The following NRG3 variants were observed in gnomAD, a reference collection of about 807,000 sequenced individuals.
The protein encoded by NRG3 is neuregulin 3.
Under a neutral mutation model 66.9 loss-of-function variants are expected in NRG3, and 31 were observed. The observed-to-expected ratio is 0.46, with a 90% CI of 0.35 to 0.63. NRG3 has a LOEUF of 0.63. NRG3 is among the 20% of genes least tolerant of loss of function. The pLI is 0.00. For synonymous variants in NRG3, 393 were observed against 359.4 expected (o/e 1.09, Z -1.06); for missense variants, 910 against 878.9 (o/e 1.04, Z -0.45).
chr10:82,378,872 C>T (rs936123431), intron 2 of NRG3, among the ~76,000 whole-genome samples: 2 of 151,982 alleles, frequency 1.3e-5, no homozygotes, highest in Non-Finnish European at 2.9e-5. Context: ...CGCCTGGCTG[C>T]TGATGGAATT....
At chr10:82,585,090 G>A (rs1257318151) in intron 2 of NRG3, among the ~76,000 whole-genome samples, 1 of 152,020 alleles carries the variant, frequency 6.6e-6, no homozygotes, top group Non-Finnish European at 1.5e-5. Context: ...AAATAAATGA[G>A]TTTATGAGAG....
intron 2 of NRG3, among the ~76,000 whole-genome samples, chr10:82,642,139 C>G (rs2050624343): frequency 6.6e-6 from 1 of 152,130 alleles, no homozygotes; most frequent in Non-Finnish European, 1.5e-5. Flanking sequence ...AAGATAATGG[C>G]CTACAGTTCC....
At chr10:82,435,765 G>A (rs967130179) in intron 2 of NRG3, among the ~76,000 whole-genome samples, 15 of 138,974 alleles carry the variant, frequency 1.1e-4, no homozygotes, top group Admixed American at 2.8e-4. Flanking sequence ...TTTTGAGTGA[G>A]TTTCTTTTCT....
chr10:81,880,633 G>A (rs1461834056), intron 1 of NRG3, among the ~76,000 whole-genome samples: 1 of 152,112 alleles, frequency 6.6e-6, no homozygotes, highest in Non-Finnish European at 1.5e-5. Context: ...TGCTTTTGTA[G>A]AAATTCTTTC....
At position 82,061,320 on chromosome 10, in the gene NRG3, C is replaced by T. The variant is rs1329507994; in HGVS notation, c.823+185157C>T. ...GAGCCAAGACTGCGCCACTGCTCTCCAGCCTGGGCAACAGAGCAAGATTTT... is the reference window on the plus strand; with the variant it reads ...GAGCCAAGACTGCGCCACTGCTCTCTAGCCTGGGCAACAGAGCAAGATTTT... On this transcript the variant is annotated intron_variant, in intron 1 of 8. Coordinates refer to ENST00000372141, the MANE Select transcript of NRG3 (RefSeq NM_001010848.4). 2.0e-5 allele frequency among the ~76,000 whole-genome samples: 3 copies of T among 152,212 alleles called. No individual in the cohort carries two copies. In the South Asian group the frequency reaches 6.2e-4, roughly 31 times the overall value.
intron 4 of NRG3, among the ~76,000 whole-genome samples, chr10:82,895,517 G>A (rs572293506): frequency 1.5e-5 from 2 of 129,372 alleles, no homozygotes; most frequent in African/African-American, 3.0e-5. Context: ...ACAGAGTCTC[G>A]TCTCGCTCTG....
intron 1 of NRG3, among the ~76,000 whole-genome samples, chr10:82,215,808 A>G (rs1044183164): frequency 7.2e-6 from 1 of 139,832 alleles, no homozygotes; most frequent in African/African-American, 2.8e-5. Context: ...TTGTACTTTT[A>G]TGCAATTTGA....
chr10:82,275,898 A>G (rs376420595), intron 1 of NRG3, among the ~76,000 whole-genome samples: 6 of 152,146 alleles, frequency 3.9e-5, no homozygotes, highest in African/African-American at 1.4e-4. Flanking sequence ...ATTATGAATC[A>G]TGTATGTCCT....
intron 1 of NRG3, among the ~76,000 whole-genome samples, chr10:82,083,500 T>C (rs886611374): frequency 5.9e-5 from 9 of 152,174 alleles, no homozygotes; most frequent in Admixed American, 3.9e-4. Flanking sequence ...TTTGTCTAGG[T>C]ACTGGGTAGA....
chr10:82,429,613 A>T (rs971079268), intron 2 of NRG3, among the ~76,000 whole-genome samples: 3 of 152,118 alleles, frequency 2.0e-5, no homozygotes, highest in Admixed American at 2.0e-4. Context: ...CTTTGAATTT[A>T]TCCAAATCAG....
intron 1 of NRG3, among the ~76,000 whole-genome samples, chr10:82,345,670 A>C (rs915102297): frequency 2.0e-5 from 3 of 151,470 alleles, no homozygotes; most frequent in African/African-American, 7.3e-5. Context: ...GGCCATTTTC[A>C]CGATATTGAT....
At chr10:82,050,915 T>A (rs1463661439) in intron 1 of NRG3, among the ~76,000 whole-genome samples, 1 of 150,070 alleles carries the variant, frequency 6.7e-6, no homozygotes, top group African/African-American at 2.4e-5. Flanking sequence ...AGCATTTCTA[T>A]CCTGCTGTGT....
chr10:81,933,131 G>T (rs796277590), intron 1 of NRG3, among the ~76,000 whole-genome samples: 2 of 145,266 alleles, frequency 1.4e-5, no homozygotes, highest in Admixed American at 1.4e-4. Flanking sequence ...AAAAAGAAAA[G>T]AAAAAAAGAA....
At chr10:82,663,694 T>TGA (rs2052544436) in intron 2 of NRG3, among the ~76,000 whole-genome samples, 1 of 152,182 alleles carries the variant, frequency 6.6e-6, no homozygotes, top group South Asian at 2.1e-4. Flanking sequence ...AGGGAGGACA[T>TGA]GAGCACTGCT....
At chr10:81,914,901 T>C (rs1338512627) in intron 1 of NRG3, among the ~76,000 whole-genome samples, 1 of 152,162 alleles carries the variant, frequency 6.6e-6, no homozygotes, top group Non-Finnish European at 1.5e-5. Context: ...TTATGTGAGT[T>C]ATAGATTATC....
At chr10:82,886,090 T>A (rs1003720219) in intron 4 of NRG3, among the ~76,000 whole-genome samples, 4 of 152,118 alleles carry the variant, frequency 2.6e-5, no homozygotes, top group African/African-American at 4.8e-5. Flanking sequence ...GGTCTCGAGG[T>A]CCTGACCTCT....
chr10:81,961,303 G>T (rs1850330859), intron 1 of NRG3, among the ~76,000 whole-genome samples: 1 of 151,786 alleles, frequency 6.6e-6, no homozygotes, highest in Non-Finnish European at 1.5e-5. Context: ...TGATACTCTG[G>T]CTTTGTGGAT....
At chr10:82,906,486 A>G (rs767111110) in intron 4 of NRG3, among the ~76,000 whole-genome samples, 4 of 152,192 alleles carry the variant, frequency 2.6e-5, no homozygotes, top group African/African-American at 4.8e-5. Context: ...TATCCAAAAA[A>G]TATTTTAAAA....
chr10:82,332,592 T>C lies in NRG3; in HGVS notation c.824-26147T>C, dbSNP rs1346445705. ...GATCCACCACCCTACATGGCAGCCC[T>C]ATGGTTAGATTTTGAATGATAACTA... is the stretch of plus-strand genomic sequence containing the variant. On this transcript the variant is annotated intron_variant, in intron 1 of 8. Transcript: ENST00000372141. Among the ~76,000 whole-genome samples the C allele has an allele frequency of 2.6e-5, 4 of 152,170 alleles. No homozygotes were observed. The East Asian group carries it at 7.7e-4, about 29-fold the overall frequency.
Sources: gnomAD v4.1 joint callset for allele counts (sites outside exome capture counted in the v4.1 genomes callset) on GRCh38, gnomAD v4.1.1 for gene constraint, MANE v1.5 for transcripts, NCBI Gene and HGNC (gene_info 2026-07-23, HGNC 2026-07-21) for gene names.